PRKG1: variants seen among roughly 807,000 people sequenced by gnomAD.
PRKG1 encodes the protein protein kinase cGMP-dependent 1, also known as cGMP-dependent protein kinase 1.
A neutral mutation model predicts 88.1 loss-of-function variants in PRKG1; 35 were observed. That is an observed-to-expected ratio of 0.40 (90% CI 0.30 to 0.53). PRKG1 has a LOEUF of 0.53. PRKG1 is among the 20% of genes least tolerant of loss of function. The probability of loss-of-function intolerance (pLI) is 0.59; values close to 1 mark genes in which losing one functional copy is unlikely to be tolerated. For missense variants in PRKG1, 540 were observed against 839.8 expected (o/e 0.64, Z 4.41); for synonymous variants, 303 against 292.5 (o/e 1.04, Z -0.37).
chr10:52,251,831 C>CA, intron 10 of PRKG1, 165 bp downstream of exon 10: 1 of 584,622 alleles, frequency 1.7e-6, no homozygotes, highest in Non-Finnish European at 2.9e-6. Context: ...CATAATTAGA[C>CA]ACAAAGTGGG....
chr10:51,862,160 A>G (rs1163131881), intron 4 of PRKG1, among the ~76,000 whole-genome samples: 1 of 152,102 alleles, frequency 6.6e-6, no homozygotes, highest in Non-Finnish European at 1.5e-5. Flanking sequence ...GGAGAGGGGC[A>G]TGTTATAGCT....
chr10:51,387,901 A>T (rs1036902294), intron 2 of PRKG1, among the ~76,000 whole-genome samples: 1 of 152,152 alleles, frequency 6.6e-6, no homozygotes, highest in Non-Finnish European at 1.5e-5. Flanking sequence ...ATAAACATTT[A>T]ATGTTGGGCA....
intron 3 of PRKG1, among the ~76,000 whole-genome samples, chr10:51,795,866 A>G (rs913373036): frequency 2.6e-5 from 4 of 152,160 alleles, no homozygotes; most frequent in Non-Finnish European, 5.9e-5. Flanking sequence ...AGTATGGATC[A>G]GCAAACATTT....
chr10:51,443,506 CA>C (rs1018730633), intron 2 of PRKG1, among the ~76,000 whole-genome samples: 7 of 151,794 alleles, frequency 4.6e-5, no homozygotes, highest in Non-Finnish European at 1.0e-4. Flanking sequence ...TTTTTTTCTT[CA>C]GGCAGAATGT....
chr10:51,887,176 G>A (rs1012728661), intron 4 of PRKG1, among the ~76,000 whole-genome samples: 1 of 152,070 alleles, frequency 6.6e-6, no homozygotes, highest in Non-Finnish European at 1.5e-5. Flanking sequence ...GTAGAGACAG[G>A]GTTTCGCCAT....
intron 3 of PRKG1, among the ~76,000 whole-genome samples, chr10:51,711,136 C>T (rs182319709): frequency 8.5e-5 from 13 of 152,184 alleles, no homozygotes; most frequent in South Asian, 8.3e-4. Flanking sequence ...GATGGAGTCT[C>T]GCTCTGTCAC....
chr10:52,198,146 C>T (rs1839556369), intron 9 of PRKG1, among the ~76,000 whole-genome samples: 1 of 152,158 alleles, frequency 6.6e-6, no homozygotes, highest in Non-Finnish European at 1.5e-5. Flanking sequence ...TGTGACTGAG[C>T]TTCTTCATCG....
At chr10:51,429,084 A>G (rs1349706290) in intron 2 of PRKG1, among the ~76,000 whole-genome samples, 4 of 152,134 alleles carry the variant, frequency 2.6e-5, no homozygotes, top group South Asian at 2.1e-4. Flanking sequence ...TGTGATTTAA[A>G]CTGCCTGAAC....
intron 3 of PRKG1, among the ~76,000 whole-genome samples, chr10:51,544,521 T>G (rs1292784235): frequency 6.6e-6 from 1 of 152,084 alleles, no homozygotes; most frequent in Non-Finnish European, 1.5e-5. Flanking sequence ...AACATACGTG[T>G]GCATGTGTCT....
chr10:52,155,451 C>A (rs766034097), intron 8 of PRKG1, among the ~76,000 whole-genome samples: 6 of 151,820 alleles, frequency 4.0e-5, no homozygotes, highest in Non-Finnish European at 5.9e-5. Flanking sequence ...GAAGTTTAGT[C>A]ATTTCATATT....
intron 17 of PRKG1, among the ~76,000 whole-genome samples, chr10:52,291,569 C>T (rs180828376): frequency 1.4e-3 from 220 of 152,186 alleles, no homozygotes; most frequent in African/African-American, 4.5e-3. Flanking sequence ...CACGTCCCTA[C>T]AAAGGACATG....
intron 3 of PRKG1, among the ~76,000 whole-genome samples, chr10:51,536,361 A>C (rs990568670): frequency 2.0e-5 from 3 of 152,140 alleles, no homozygotes; most frequent in African/African-American, 7.2e-5. Flanking sequence ...GTGTCTCTTC[A>C]TGACCTTTGC....
chr10:52,059,404 G>T (rs1016821188), intron 6 of PRKG1, among the ~76,000 whole-genome samples: 1 of 146,836 alleles, frequency 6.8e-6, no homozygotes, highest in Non-Finnish European at 1.5e-5. Context: ...GCCAAAACTA[G>T]AAATAAACAA....
intron 4 of PRKG1, among the ~76,000 whole-genome samples, chr10:51,860,397 C>T (rs1188849795): frequency 2.0e-5 from 3 of 152,160 alleles, no homozygotes; most frequent in South Asian, 2.1e-4. Flanking sequence ...GAAAAGAGAG[C>T]GTGGTGAATC....
At chr10:51,591,841 G>T (rs1253592705) in intron 3 of PRKG1, among the ~76,000 whole-genome samples, 1 of 152,144 alleles carries the variant, frequency 6.6e-6, no homozygotes, top group Non-Finnish European at 1.5e-5. Context: ...AATTAAATAT[G>T]CCTGGAAAAT....
chr10:51,535,064 G>A (rs1410492187), intron 3 of PRKG1, among the ~76,000 whole-genome samples: 2 of 152,144 alleles, frequency 1.3e-5, no homozygotes, highest in Non-Finnish European at 2.9e-5. Flanking sequence ...GGAAAGGATA[G>A]GGGTACTTTG....
At chr10:52,196,936 G>A (rs1365977651) in intron 9 of PRKG1, among the ~76,000 whole-genome samples, 1 of 152,076 alleles carries the variant, frequency 6.6e-6, no homozygotes, top group Non-Finnish European at 1.5e-5. Flanking sequence ...TAGTGTAGCA[G>A]TATCTCTAAA....
At chr10:51,852,454 A>C (rs2132810234) in intron 4 of PRKG1, among the ~76,000 whole-genome samples, 1 of 151,984 alleles carries the variant, frequency 6.6e-6, no homozygotes, top group Non-Finnish European at 1.5e-5. Flanking sequence ...CTGTATTGCT[A>C]ACATATAACC....
At chr10:51,817,920 C>G (rs1363008707) in intron 4 of PRKG1, among the ~76,000 whole-genome samples, 1 of 152,066 alleles carries the variant, frequency 6.6e-6, no homozygotes, top group Non-Finnish European at 1.5e-5. Context: ...TCAATTGCTT[C>G]TTAAAGGTAA....
Sources: gnomAD v4.1 joint callset for allele counts (sites outside exome capture counted in the v4.1 genomes callset) on GRCh38, gnomAD v4.1.1 for gene constraint, MANE v1.5 for transcripts, NCBI Gene and HGNC (gene_info 2026-07-23, HGNC 2026-07-21) for gene names.